The following PPARG variants were observed in gnomAD, a reference collection of about 807,000 sequenced individuals.
PPARG encodes peroxisome proliferator activated receptor gamma.
Under a neutral mutation model 39.2 loss-of-function variants are expected in PPARG, and 17 were observed. That is an observed-to-expected ratio of 0.43 (90% confidence interval 0.30 to 0.65). The LOEUF (loss-of-function observed/expected upper bound fraction) is 0.65, where lower values mean the gene tolerates loss of function less well. PPARG is among the 30% of genes least tolerant of loss of function. The pLI, the probability that PPARG is intolerant of heterozygous loss-of-function variation, is 0.13. For synonymous variants in PPARG, 223 were observed against 215.7 expected, an observed-to-expected ratio of 1.03 and a Z score of -0.30; for missense variants, 406 against 585.9, an observed-to-expected ratio of 0.69 and a Z score of 3.17.
At chr3:12,347,188 A>G (rs538022151) in intron 2 of PPARG, among the ~76,000 whole-genome samples, 17 of 148,258 alleles carry the variant, frequency 1.1e-4, no homozygotes, top group African/African-American at 4.2e-4. Context: ...CCCTGTCTCA[A>G]AAAAAAAAAG....
chr3:12,420,268 T>A (rs2051216435), intron 7 of PPARG, among the ~76,000 whole-genome samples: 1 of 152,230 alleles, frequency 6.6e-6, no homozygotes, highest in Non-Finnish European at 1.5e-5. Flanking sequence ...ATCTCAGGCA[T>A]CTATCGAGGA....
intron 5 of PPARG, among the ~76,000 whole-genome samples, chr3:12,404,161 GGTTTCTATATGAAGAGGCCAT>G (rs1274914326): frequency 1.3e-5 from 2 of 152,106 alleles, no homozygotes; most frequent in Non-Finnish European, 2.9e-5. Context: ...CTAGTTTAAA[GGTTTCTATATGAAGAGGCCAT>G]GTACCAAGGA....
At chr3:12,296,303 G>A (rs1322082559) in intron 1 of PPARG, among the ~76,000 whole-genome samples, 2 of 149,792 alleles carry the variant, frequency 1.3e-5, no homozygotes, top group African/African-American at 4.9e-5. Context: ...GTCTAAGGCA[G>A]TGGTTCTTAA....
At chr3:12,346,810 T>G (rs1484020082) in intron 2 of PPARG, among the ~76,000 whole-genome samples, 1 of 151,716 alleles carries the variant, frequency 6.6e-6, no homozygotes, top group Admixed American at 6.6e-5. Flanking sequence ...AATTATTTTA[T>G]TTTTTTATAG....
rs528337159 is a variant in PPARG at position 12,364,590 on chromosome 3, T to C, written c.-8-15114T>C. ...ACCAAGGAGTGTGATTACTGGATTG[T>C]ATGGTAAGAATATGTTTAGTTTTAT... On this transcript the variant is annotated intron_variant, in intron 2 of 7. Coordinates refer to ENST00000651735, the MANE Select transcript of PPARG (RefSeq NM_138711.6). Among the ~76,000 whole-genome samples, 164 of 152,308 alleles carry C rather than the reference T, an allele frequency of 1.1e-3. 2 individuals are homozygous for C. The highest frequency in any genetic ancestry group is 3.8e-3 in the African/African-American group (156 of 41,560).
chr3:12,331,392 A>G lies in PPARG; in HGVS notation c.-9+18939A>G, dbSNP rs555146901. Among the ~76,000 whole-genome samples the G allele has an allele frequency of 1.4e-4, 22 of 152,324 alleles. No homozygotes were observed. In the South Asian group the frequency reaches 4.6e-3, roughly 32 times the overall value. On this transcript the variant is annotated intron_variant, in intron 2 of 7. Transcript: ENST00000651735. ...TACAGATGGAGGAAATGAGATGTGA[A>G]GGCTGTGATGTGGGAAACAGCTTAG...
chr3:12,319,082 T>C (rs1181495278), intron 2 of PPARG, among the ~76,000 whole-genome samples: 1 of 152,196 alleles, frequency 6.6e-6, no homozygotes, highest in Non-Finnish European at 1.5e-5. Context: ...GGAAATACCA[T>C]AATGGCATGA....
At chr3:12,341,835 A>G (rs1404952887) in intron 2 of PPARG, among the ~76,000 whole-genome samples, 2 of 152,194 alleles carry the variant, frequency 1.3e-5, no homozygotes, top group Non-Finnish European at 2.9e-5. Context: ...TTTCCTACTA[A>G]TAAATGTGGA....
At chr3:12,429,726 A>G (rs996585971) in intron 7 of PPARG, among the ~76,000 whole-genome samples, 6 of 152,048 alleles carry the variant, frequency 3.9e-5, no homozygotes, top group African/African-American at 1.4e-4. Flanking sequence ...TTTGAGATGC[A>G]CACATTCATC....
At chr3:12,290,376 A>T (rs2046618603) in intron 1 of PPARG, among the ~76,000 whole-genome samples, 1 of 152,096 alleles carries the variant, frequency 6.6e-6, no homozygotes, top group African/African-American at 2.4e-5. Context: ...ATTAAAACTA[A>T]AATGTCCACC....
intron 5 of PPARG, among the ~76,000 whole-genome samples, chr3:12,396,969 T>A (rs572012743): frequency 6.6e-6 from 1 of 152,292 alleles, no homozygotes; most frequent in Non-Finnish European, 1.5e-5. Flanking sequence ...TTGCTGAAAC[T>A]ATAGGCATGT....
intron 1 of PPARG, among the ~76,000 whole-genome samples, chr3:12,308,767 C>G (rs1477208537): frequency 6.6e-6 from 1 of 151,782 alleles, no homozygotes; most frequent in African/African-American, 2.4e-5. Flanking sequence ...CAAAGAGAGC[C>G]AGTTAAATAT....
chr3:12,385,114 G>A (rs1174280990), intron 4 of PPARG, among the ~76,000 whole-genome samples: 1 of 152,136 alleles, frequency 6.6e-6, no homozygotes, highest in East Asian at 1.9e-4. Context: ...GCAATAAAAA[G>A]CCAGGAAAAT....
chr3:12,318,758 A>G (rs1559491647), intron 2 of PPARG, among the ~76,000 whole-genome samples: 1 of 152,126 alleles, frequency 6.6e-6, no homozygotes, highest in African/African-American at 2.4e-5. Context: ...ATATATCACA[A>G]ATAATACATA....
chr3:12,332,266 T>C (rs890022433), intron 2 of PPARG, among the ~76,000 whole-genome samples: 1 of 152,170 alleles, frequency 6.6e-6, no homozygotes, highest in Non-Finnish European at 1.5e-5. Context: ...TTGGTAAATA[T>C]GATAGGGTGA....
At chr3:12,425,914 T>C (rs1335088267) in intron 7 of PPARG, among the ~76,000 whole-genome samples, 3 of 152,124 alleles carry the variant, frequency 2.0e-5, no homozygotes, top group African/African-American at 4.8e-5. Flanking sequence ...GACCCAGAAA[T>C]GACAGAGCCC....
At chr3:12,337,206 A>G (rs1034149512) in intron 2 of PPARG, among the ~76,000 whole-genome samples, 2 of 152,324 alleles carry the variant, frequency 1.3e-5, no homozygotes, top group African/African-American at 4.8e-5. Context: ...CATAAGAAAG[A>G]TCAGGAAGCC....
chr3:12,382,409 T>C (rs2049708331), intron 4 of PPARG, among the ~76,000 whole-genome samples: 1 of 152,224 alleles, frequency 6.6e-6, no homozygotes, highest in Non-Finnish European at 1.5e-5. Flanking sequence ...AAAATAGTAC[T>C]AATTTATTAT....
At chr3:12,305,516 C>T (rs1334638481) in intron 1 of PPARG, among the ~76,000 whole-genome samples, 3 of 152,272 alleles carry the variant, frequency 2.0e-5, no homozygotes, top group South Asian at 4.1e-4. Context: ...GGTTTCTGTC[C>T]TCTTTTTTCC....
Sources: allele counts gnomAD v4.1 joint callset (sites outside exome capture counted in the v4.1 genomes callset), GRCh38; gene constraint gnomAD v4.1.1; transcripts MANE v1.5; gene names NCBI Gene and HGNC (gene_info 2026-07-23, HGNC 2026-07-21).